Variants in PPM1H observed in about 807,000 individuals in gnomAD.
The protein encoded by PPM1H is protein phosphatase 1H.
Under a neutral mutation model 54.9 loss-of-function variants are expected in PPM1H, and 27 were observed. That is an observed-to-expected ratio of 0.49 (90% CI 0.36 to 0.68). The LOEUF is 0.68. Ranked by LOEUF, PPM1H falls within the 30% of genes least tolerant of loss-of-function variation. The pLI, the probability that PPM1H is intolerant of heterozygous loss-of-function variation, is 0.00. For missense variants in PPM1H, 596 were observed against 667.8 expected, an observed-to-expected ratio of 0.89 and a Z score of 1.19; for synonymous variants, 305 against 270.8, an observed-to-expected ratio of 1.13 and a Z score of -1.24.
chr12:62,910,371 C>T (rs142497286), intron 1 of PPM1H, among the ~76,000 whole-genome samples: 200 of 152,070 alleles, frequency 1.3e-3, no homozygotes, highest in African/African-American at 3.4e-3. Flanking sequence ...GTTTGAATAA[C>T]CTAAAGATTA....
At chr12:62,922,888 G>C (rs1036201664) in intron 1 of PPM1H, among the ~76,000 whole-genome samples, 2 of 152,134 alleles carry the variant, frequency 1.3e-5, no homozygotes, top group African/African-American at 4.8e-5. Context: ...ATTCCTGCCT[G>C]GCCACCAGCT....
In PPM1H at chr12:62,689,741, G is replaced by A. The variant is rs11174604; in HGVS notation, c.1203C>T (p.Asp401=). ...GLGDHDLKVH[D]SNIYIKPFLS... ...GGAATGGTTTAATGTAGATGTTGGA[G>A]TCATGCACCTTCAGGTCATGGTCCC... Residue 401 remains aspartate (D), a synonymous_variant, in exon 8 of 10, where the codon GAC becomes GAT. Coordinates refer to ENST00000228705, the MANE Select transcript of PPM1H (RefSeq NM_020700.2). 0.098 allele frequency: 157,973 copies of A among 1,612,834 alleles called. 10,085 individuals carry two copies. The highest frequency in any genetic ancestry group is 0.3 in the African/African-American group (22,739 of 74,914).
At chr12:62,915,710 G>A (rs1871601082) in intron 1 of PPM1H, among the ~76,000 whole-genome samples, 1 of 152,200 alleles carries the variant, frequency 6.6e-6, no homozygotes, top group Non-Finnish European at 1.5e-5. Flanking sequence ...AGAGGTTCCA[G>A]AGGACATGCC....
chr12:62,913,553 T>C (rs1024701401), intron 1 of PPM1H, among the ~76,000 whole-genome samples: 6 of 152,180 alleles, frequency 3.9e-5, no homozygotes, highest in Non-Finnish European at 7.3e-5. Flanking sequence ...TCCTGACTCA[T>C]GTCCTGGGGA....
chr12:62,707,091 G>C (rs1177086348), intron 6 of PPM1H, among the ~76,000 whole-genome samples: 1 of 152,192 alleles, frequency 6.6e-6, no homozygotes, highest in Non-Finnish European at 1.5e-5. Context: ...CAGAGGATCA[G>C]GCCTTGGAGA....
intron 3 of PPM1H, among the ~76,000 whole-genome samples, chr12:62,788,825 A>G (rs1368727773): frequency 7.9e-5 from 12 of 151,934 alleles, no homozygotes; most frequent in Admixed American, 7.9e-4. Context: ...TCCCAGGCTC[A>G]AGCAATCCTC....
chr12:62,811,128 A>G (rs1449882340), intron 2 of PPM1H, among the ~76,000 whole-genome samples: 1 of 152,218 alleles, frequency 6.6e-6, no homozygotes, highest in Non-Finnish European at 1.5e-5. Flanking sequence ...GGGAAGGGGT[A>G]TGGCTATGAA....
intron 6 of PPM1H, among the ~76,000 whole-genome samples, chr12:62,714,695 G>A (rs953755980): frequency 6.6e-6 from 1 of 152,170 alleles, no homozygotes; most frequent in African/African-American, 2.4e-5. Flanking sequence ...GCCAAAACAG[G>A]ACTCTCTTTA....
At chr12:62,824,935 A>C (rs1168482049) in intron 2 of PPM1H, among the ~76,000 whole-genome samples, 2 of 152,218 alleles carry the variant, frequency 1.3e-5, no homozygotes, top group Non-Finnish European at 2.9e-5. Context: ...TTTGCACAGC[A>C]AAAGAAACTA....
rs549596914 is a variant in PPM1H, at chr12:62,821,829, G to A, written c.411+10285C>T. 3.9e-5 allele frequency among the ~76,000 whole-genome samples: 6 copies of A among 152,260 alleles called. No homozygotes were observed. The East Asian group carries it at 5.8e-4, about 15-fold the overall frequency. On this transcript the variant is annotated intron_variant, in intron 2 of 9. Transcript: ENST00000228705. ...AACATGCCAAATTGTAAAGACCTTC[G>A]GTGCTAGGAAGAAACTGCATCAACT... is the stretch of plus-strand genomic sequence containing the variant.
At chr12:62,776,071 C>T (rs970250526) in intron 4 of PPM1H, among the ~76,000 whole-genome samples, 4 of 152,108 alleles carry the variant, frequency 2.6e-5, no homozygotes, top group South Asian at 2.1e-4. Flanking sequence ...GAGACTTACT[C>T]TCTATCATGA....
chr12:62,680,447 G>T (rs2076013297), intron 8 of PPM1H, among the ~76,000 whole-genome samples: 2 of 152,094 alleles, frequency 1.3e-5, no homozygotes, highest in South Asian at 2.1e-4. Flanking sequence ...CCTCCAAGTA[G>T]CTGGGACTAT....
intron 5 of PPM1H, among the ~76,000 whole-genome samples, chr12:62,726,455 A>G (rs1476939733): frequency 6.7e-6 from 1 of 149,122 alleles, no homozygotes; most frequent in African/African-American, 2.5e-5. Context: ...CTTTCATTTG[A>G]AAAAAAAAAC....
intron 4 of PPM1H, among the ~76,000 whole-genome samples, chr12:62,759,247 A>G (rs1209931945): frequency 6.6e-6 from 1 of 152,224 alleles, no homozygotes; most frequent in Non-Finnish European, 1.5e-5. Context: ...TCGGGAGACC[A>G]GTCCCCTGTC....
intron 6 of PPM1H, among the ~76,000 whole-genome samples, chr12:62,700,241 T>G (rs1449481628): frequency 6.6e-6 from 1 of 152,120 alleles, no homozygotes; most frequent in Admixed American, 6.5e-5. Context: ...CTGACCTTCT[T>G]CTCTGTTCCC....
chr12:62,679,529 G>A (rs2076007104), intron 8 of PPM1H, among the ~76,000 whole-genome samples: 1 of 152,146 alleles, frequency 6.6e-6, no homozygotes, highest in African/African-American at 2.4e-5. Flanking sequence ...GTTTTGTGAG[G>A]TCTGAGGTTT....
intron 4 of PPM1H, among the ~76,000 whole-genome samples, chr12:62,768,333 G>A (rs2076556672): frequency 6.6e-6 from 1 of 152,106 alleles, no homozygotes; most frequent in Admixed American, 6.5e-5. Context: ...ATGCAGCCAG[G>A]GAATGCATGC....
chr12:62,848,553 C>T (rs567489491), intron 1 of PPM1H, among the ~76,000 whole-genome samples: 2 of 152,178 alleles, frequency 1.3e-5, no homozygotes, highest in East Asian at 1.9e-4. Flanking sequence ...ATTTTAGGGC[C>T]CCACTCTCAG....
At chr12:62,922,293 T>C (rs1012125323) in intron 1 of PPM1H, among the ~76,000 whole-genome samples, 1 of 151,988 alleles carries the variant, frequency 6.6e-6, no homozygotes, top group Admixed American at 6.6e-5. Flanking sequence ...ATAAAATGCA[T>C]TTAATTCCCT....
Sources: gnomAD v4.1 joint callset for allele counts (sites outside exome capture counted in the v4.1 genomes callset) on GRCh38, gnomAD v4.1.1 for gene constraint, MANE v1.5 for transcripts, NCBI Gene and HGNC (gene_info 2026-07-23, HGNC 2026-07-21) for gene names.